TBC1D10A: variants seen among roughly 807,000 people sequenced by gnomAD.
The protein encoded by TBC1D10A is TBC1 domain family member 10A.
TBC1D10A carries 24 observed loss-of-function variants against 52.9 expected under a neutral mutation model. The ratio of observed to expected loss-of-function variants is 0.45; its 90% confidence interval spans 0.33 to 0.64. The LOEUF (loss-of-function observed/expected upper bound fraction) is 0.64, where lower values mean the gene tolerates loss of function less well. Among genes scored for constraint, TBC1D10A ranks in the 30% least tolerant of loss-of-function variants. TBC1D10A has a pLI of 0.02. For missense variants in TBC1D10A, 602 were observed against 687.9 expected (o/e 0.88, Z 1.40); for synonymous variants, 278 against 282.9 (o/e 0.98, Z 0.17).
At chr22:30,305,420 C>A (rs1267199306) in intron 1 of TBC1D10A, among the ~76,000 whole-genome samples, 21 of 152,180 alleles carry the variant, frequency 1.4e-4, no homozygotes, top group Non-Finnish European at 2.8e-4. Flanking sequence ...GCTTTCTTAA[C>A]AGAATAAGGT....
intron 1 of TBC1D10A, among the ~76,000 whole-genome samples, chr22:30,317,054 C>T (rs1930552812): frequency 6.6e-6 from 1 of 152,088 alleles, no homozygotes; most frequent in African/African-American, 2.4e-5. Context: ...AACAAACACA[C>T]ATACACACAC....
chr22:30,311,554 T>C (rs763809353), intron 1 of TBC1D10A, among the ~76,000 whole-genome samples: 3 of 152,190 alleles, frequency 2.0e-5, no homozygotes, highest in Non-Finnish European at 4.4e-5. Context: ...CTCCTTCTAG[T>C]GCTGGGTCAG....
intron 1 of TBC1D10A, among the ~76,000 whole-genome samples, chr22:30,323,492 G>A (rs1224492478): frequency 4.6e-5 from 7 of 152,188 alleles, no homozygotes; most frequent in Admixed American, 6.5e-5. Context: ...CTGCAGGGAC[G>A]AAAGGCCATA....
intron 1 of TBC1D10A, among the ~76,000 whole-genome samples, chr22:30,318,442 G>A (rs1223650443): frequency 6.6e-6 from 1 of 152,196 alleles, no homozygotes; most frequent in Non-Finnish European, 1.5e-5. Context: ...CCACTCTCCT[G>A]CTGGAAGGAG....
rs1192842833 is a variant in TBC1D10A, at chr22:30,297,344, G to A, written c.418-1501C>T. The A allele has an allele frequency of 2.0e-5, 3 of 152,290 alleles. No individual in the cohort carries two copies. Among genetic ancestry groups the A allele is most frequent in the African/African-American group, 7.2e-5 (3 of 41,450 alleles). The allele number at this position is 152,290 out of a possible 1,614,324, so 9.4% of individuals were successfully genotyped here. A position where few individuals can be genotyped will look rare whatever the true frequency, so the allele number is the denominator to read the frequency against. The stretch of plus-strand genomic sequence containing the variant: ...TACTGTCTGAGCGCAGTGCAGGTTT[G>A]CTTTTGTCAGAATGGGGAAGAGGGC... On this transcript the variant is annotated intron_variant, in intron 3 of 8. Transcript: ENST00000215790. The surrounding 1 kb of genome is among the most constrained non-coding windows in gnomAD (Gnocchi z 4.3).
chr22:30,295,064 A>G lies in TBC1D10A; in HGVS notation c.525-9T>C. On this transcript the variant is annotated splice_polypyrimidine_tract_variant and intron_variant, in intron 4 of 8. Coordinates refer to ENST00000215790, the MANE Select transcript of TBC1D10A (RefSeq NM_031937.3). ...GGAATAGGTCCTGCTGGCTGTGGAG[A>G]GGCCGGGCAGAGCAGTGATGACCGG... The G allele has an allele frequency of 6.2e-7, 1 of 1,613,232 alleles. No homozygotes were observed. Among genetic ancestry groups the G allele is most frequent in the African/African-American group, 1.3e-5 (1 of 75,026 alleles).
rs755058732 is a variant in TBC1D10A at position 30,293,902 on chromosome 22, C to T, written c.895+19G>A. The T allele has an allele frequency of 3.1e-6, 5 of 1,608,014 alleles. No homozygotes were observed. The highest frequency in any genetic ancestry group is 2.2e-5 in the South Asian group (2 of 91,024). On this transcript the variant is annotated intron_variant, in intron 7 of 8. Coordinates refer to ENST00000215790, the MANE Select transcript of TBC1D10A (RefSeq NM_031937.3). Reference sequence around the variant, plus strand: ...GGCTGCTGGGGACAGGGGTGCTCCCCCCAAGCCCAGCCCAGTACCTTCACA... The same window carrying T: ...GGCTGCTGGGGACAGGGGTGCTCCCTCCAAGCCCAGCCCAGTACCTTCACA...
At chr22:30,299,306 G>A in intron 3 of TBC1D10A, 138 bp downstream of exon 3, 5 of 829,696 alleles carry the variant, frequency 6.0e-6, no homozygotes, top group East Asian at 2.7e-5. Flanking sequence ...GCTGGGGCCT[G>A]GGCAGTTGGG....
Position 30,292,330 on chromosome 22 carries a change from T to G in TBC1D10A, c.*45A>C. On this transcript the variant is annotated 3_prime_UTR_variant, in exon 9 of 9. Transcript: ENST00000215790. ...ATGTGGAATGTCAGTTCATGAACCG[T>G]GTAGTTATATGGAGACCCCGCCCTG... 6.8e-7 allele frequency: 1 copy of G among 1,467,248 alleles called. No individual in the cohort carries two copies. Among genetic ancestry groups the G allele is most frequent in the Non-Finnish European group, 9.2e-7 (1 of 1,091,612 alleles). 90.9% of individuals were successfully genotyped at this position (1,467,248 alleles called of 1,614,324 possible). A position where few individuals can be genotyped will look rare whatever the true frequency, so the allele number is the denominator to read the frequency against.
In TBC1D10A at chr22:30,295,722, GC is replaced by G. The variant is rs771760153; in HGVS notation, c.524+14del. On this transcript the variant is annotated intron_variant, in intron 4 of 8. Transcript: ENST00000215790. ...CTAGAGCCACCTCCCACCTCATGAG[GC>G]CCAGCCTGCTCACCCGTGGCCCCCC... The G allele has an allele frequency of 2.5e-6, 4 of 1,613,386 alleles. No individual in the cohort carries two copies. Among genetic ancestry groups the G allele is most frequent in the Non-Finnish European group, 3.4e-6 (4 of 1,179,658 alleles).
At chr22:30,299,638 C>T (rs1930159405) in intron 2 of TBC1D10A, 87 bp from the exon 3 acceptor site, 3 of 1,186,160 alleles carry the variant, frequency 2.5e-6, no homozygotes, top group African/African-American at 1.5e-5. Context: ...GGTGGGCCCT[C>T]AGTGCACACA....
In TBC1D10A at chr22:30,294,817, G is replaced by A. The variant is rs767467152; in HGVS notation, c.684C>T (p.Pro228=). ...CLVQICEKYL[P]GYYSEKLEAI... ...TCACCAGTTTCTCGCTGTAGTAGCC[G>A]GGCAGGTACTTCTCACAGATCTGTA... The change falls in exon 6 of 9, where the codon CCC becomes CCT. Residue 228 remains proline, a synonymous_variant. Transcript: ENST00000215790. The A allele has an allele frequency of 6.2e-6, 10 of 1,614,008 alleles. No homozygotes were observed. The highest frequency in any genetic ancestry group is 1.6e-4 in the Middle Eastern group (1 of 6,084).
chr22:30,325,897 G>A lies in TBC1D10A; in HGVS notation c.209+776C>T, dbSNP rs987745716. Among the ~76,000 whole-genome samples the A allele has an allele frequency of 1.1e-4, 17 of 152,164 alleles. 1 individual carries two copies. Among genetic ancestry groups the A allele is most frequent in the Non-Finnish European group, 4.4e-5 (3 of 68,026 alleles). On this transcript the variant is annotated intron_variant, in intron 1 of 8. Transcript: ENST00000215790. ...CCATCTACTGGCTCCTGTGGCTGCT[G>A]GAGCTGATGGTCTGTCCTAGTGGTG...
chr22:30,303,013 G>T (rs990684710), intron 2 of TBC1D10A, among the ~76,000 whole-genome samples: 1 of 152,252 alleles, frequency 6.6e-6, no homozygotes, highest in African/African-American at 2.4e-5. Context: ...GGGTGCAGTG[G>T]CTCATGCCAG....
intron 1 of TBC1D10A, among the ~76,000 whole-genome samples, chr22:30,313,965 A>C (rs1415335010): frequency 6.6e-6 from 1 of 152,124 alleles, no homozygotes; most frequent in Non-Finnish European, 1.5e-5. Context: ...CAATTAACTT[A>C]ACTGAATGTC....
intron 1 of TBC1D10A, among the ~76,000 whole-genome samples, chr22:30,315,574 T>G (rs1930518799): frequency 6.6e-6 from 1 of 152,218 alleles, no homozygotes; most frequent in African/African-American, 2.4e-5. Context: ...AGGTTCTCTT[T>G]CTTTGTGAAG....
At chr22:30,305,018 C>G (rs1930282678) in intron 1 of TBC1D10A, among the ~76,000 whole-genome samples, 1 of 152,228 alleles carries the variant, frequency 6.6e-6, no homozygotes, top group African/African-American at 2.4e-5. Flanking sequence ...GAGTTGAACA[C>G]AAAAACTAGT....
chr22:30,326,509 G>A (rs987904653), intron 1 of TBC1D10A, among the ~76,000 whole-genome samples, 164 bp downstream of exon 1: 1 of 116,258 alleles, frequency 8.6e-6, no homozygotes, highest in Non-Finnish European at 1.8e-5. Context: ...AAGGGGGCGG[G>A]TCTAGGAAGG....
chr22:30,304,013 C>G (rs1010864618), intron 2 of TBC1D10A, among the ~76,000 whole-genome samples: 4 of 152,188 alleles, frequency 2.6e-5, no homozygotes, highest in African/African-American at 4.8e-5. Context: ...TAAAGAAGGC[C>G]TCGTACTGTG....
Sources: gnomAD v4.1 joint callset for allele counts (sites outside exome capture counted in the v4.1 genomes callset) on GRCh38, gnomAD v4.1.1 for gene constraint, Gnocchi (gnomAD v3.1) non-coding constraint, MANE v1.5 for transcripts, NCBI Gene and HGNC (gene_info 2026-07-23, HGNC 2026-07-21) for gene names.